AXDND1: variants seen among roughly 807,000 people sequenced by gnomAD.
The protein encoded by AXDND1 is axonemal dynein light chain domain-containing protein 1.
AXDND1 carries 110 observed loss-of-function variants against 137.5 expected under a neutral mutation model. That is an observed-to-expected ratio of 0.80 (90% CI 0.69 to 0.94). The LOEUF is 0.94. Among genes scored for constraint, AXDND1 ranks in the 40% least tolerant of loss-of-function variants. The pLI is 0.00. For synonymous variants in AXDND1, 414 were observed against 399.7 expected (o/e 1.04, Z -0.43); for missense variants, 1,191 against 1,169.8 (o/e 1.02, Z -0.26).
chr1:179,374,318 G>A (rs1668351498), intron 4 of AXDND1, among the ~76,000 whole-genome samples: 1 of 152,144 alleles, frequency 6.6e-6, no homozygotes, highest in African/African-American at 2.4e-5. Flanking sequence ...TCAAAAGTCA[G>A]GAAACAACAG....
intron 21 of AXDND1, among the ~76,000 whole-genome samples, chr1:179,523,295 A>AT (rs993637505): frequency 6.6e-6 from 1 of 151,734 alleles, no homozygotes; most frequent in African/African-American, 2.4e-5. Context: ...TAATTGACAA[A>AT]TAAAAATTGT....
At chr1:179,417,305 A>T (rs1294592682) in intron 12 of AXDND1, among the ~76,000 whole-genome samples, 1 of 150,388 alleles carries the variant, frequency 6.6e-6, no homozygotes, top group African/African-American at 2.5e-5. Flanking sequence ...TTTTCTCTTC[A>T]CTTTGTTGAT....
At chr1:179,376,005 G>T (rs1453346781) in intron 4 of AXDND1, among the ~76,000 whole-genome samples, 1 of 152,096 alleles carries the variant, frequency 6.6e-6, no homozygotes, top group Non-Finnish European at 1.5e-5. Flanking sequence ...TGCCACATCA[G>T]CTGCCAAATG....
chr1:179,532,934 A>AAATG, intron 23 of AXDND1: 1 of 151,934 alleles, frequency 6.6e-6, no homozygotes, highest in South Asian at 2.1e-4. Flanking sequence ...ATAAATAAAT[A>AAATG]GTGAAGAGAC....
intron 15 of AXDND1, among the ~76,000 whole-genome samples, chr1:179,437,302 G>A (rs1163111564): frequency 2.6e-5 from 4 of 152,146 alleles, no homozygotes; most frequent in Admixed American, 1.3e-4. Flanking sequence ...GAAAGGGGGC[G>A]GGTGATTGTC....
intron 11 of AXDND1, among the ~76,000 whole-genome samples, chr1:179,398,330 C>T (rs1003299043): frequency 2.0e-5 from 3 of 152,160 alleles, no homozygotes; most frequent in Middle Eastern, 3.2e-3. Context: ...CAGCTTTGTT[C>T]TCTGCTCCTT....
chr1:179,517,958 C>T lies in AXDND1; in HGVS notation c.2497-7376C>T, dbSNP rs143468226. Among the ~76,000 whole-genome samples the T allele has an allele frequency of 6.4e-3, 981 of 152,324 alleles. 4 individuals are homozygous for T. The highest frequency in any genetic ancestry group is 9.1e-3 in the Non-Finnish European group (616 of 68,028). ...ATCTGAGTTGGAGCTACAATCTAGT[C>T]CTACTTCCCATCCACCAGGATGATC... On this transcript the variant is annotated intron_variant, in intron 21 of 25. Coordinates refer to ENST00000367618, the MANE Select transcript of AXDND1 (RefSeq NM_144696.6).
In AXDND1 at chr1:179,402,066, A is replaced by G. The variant is rs137891229; in HGVS notation, c.1109+6864A>G. ...ATGCGCCTGCAGTCCCAGCTATTCA[A>G]GAGGCTGAGGCAGGAGAATTGCTTG... On this transcript the variant is annotated intron_variant, in intron 11 of 25. Coordinates refer to ENST00000367618, the MANE Select transcript of AXDND1 (RefSeq NM_144696.6). Among the ~76,000 whole-genome samples the G allele has an allele frequency of 8.6e-3, 1,302 of 151,546 alleles. 42 individuals carry two copies. Among genetic ancestry groups the G allele is most frequent in the Admixed American group, 0.056 (843 of 15,154 alleles).
chr1:179,550,761 T>C, intron 25 of AXDND1: 1 of 267,822 alleles, frequency 3.7e-6, no homozygotes, highest in South Asian at 4.7e-5. Flanking sequence ...AGAAGAGCAA[T>C]AGAGTGTGAC....
At chr1:179,427,034 C>T (rs1243318777) in intron 12 of AXDND1, among the ~76,000 whole-genome samples, 2 of 152,088 alleles carry the variant, frequency 1.3e-5, no homozygotes, top group Non-Finnish European at 2.9e-5. Context: ...CATGGTGGCC[C>T]ATGCCTGTAA....
Position 179,473,046 on chromosome 1 carries a change from CTTGTT to C in AXDND1, c.1997+4412_1997+4416del, listed in dbSNP as rs530709074. On this transcript the variant is annotated intron_variant, in intron 17 of 25. Coordinates refer to ENST00000367618, the MANE Select transcript of AXDND1 (RefSeq NM_144696.6). ...TGGATTTACCTCTGCCATCTTACTG[CTTGTT>C]TTGTTTCATGACTTTTTTGTTTCTC... Among the ~76,000 whole-genome samples, 913 of 151,922 alleles carry C rather than the reference CTTGTT, an allele frequency of 6.0e-3. 5 individuals carry two copies. Among genetic ancestry groups the C allele is most frequent in the African/African-American group, 0.021 (876 of 41,470 alleles).
At chr1:179,465,176 T>G (rs1012683589) in intron 16 of AXDND1, among the ~76,000 whole-genome samples, 7 of 152,248 alleles carry the variant, frequency 4.6e-5, no homozygotes, top group Admixed American at 1.3e-4. Context: ...AGGAGCTGTG[T>G]GCCTTTGGAG....
chr1:179,496,826 C>T lies in AXDND1; in HGVS notation c.2388+3875C>T, dbSNP rs540455238. The stretch of plus-strand genomic sequence containing the variant: ...AGACCTTTTTACCTCCTCCCCCATA[C>T]CCCCGTAGGCATTTAGTAGTACAAA... On this transcript the variant is annotated intron_variant, in intron 20 of 25. Transcript: ENST00000367618. 3.9e-5 allele frequency among the ~76,000 whole-genome samples: 6 copies of T among 152,122 alleles called. No individual in the cohort carries two copies. The South Asian group carries it at 8.3e-4, about 21-fold the overall frequency.
chr1:179,554,005 C>A (rs997505932), intron 25 of AXDND1, among the ~76,000 whole-genome samples: 7 of 151,072 alleles, frequency 4.6e-5, no homozygotes, highest in African/African-American at 1.7e-4. Flanking sequence ...CTCTGCCTCT[C>A]GGGTTCAAGC....
In AXDND1 at chr1:179,468,590, T is replaced by C. The variant is rs777968518; in HGVS notation, c.1946T>C (p.Leu649Ser). 40 of 1,612,678 alleles carry C rather than the reference T, an allele frequency of 2.5e-5. No homozygotes were observed. In the East Asian group the frequency reaches 8.0e-4, roughly 32 times the overall value. ...INEMKSHLDI[L>S]LNLTGIVPQH... ...GAAATGAAATCACACTTGGATATAT[T>C]GTTAAACCTTACTGGTATTGTTCCA... Residue 649 changes from leucine (L) to serine (S), a missense_variant, in exon 17 of 26, where the codon TTG (leucine) becomes TCG (serine). Leu to Ser is a moderately radical substitution (Grantham distance 145). Coordinates refer to ENST00000367618, the MANE Select transcript of AXDND1 (RefSeq NM_144696.6).
chr1:179,544,712 A>T (rs1345355139), intron 25 of AXDND1: 1 of 151,464 alleles, frequency 6.6e-6, no homozygotes, highest in African/African-American at 2.4e-5. Context: ...AAGAGAGAAG[A>T]GAGAAAATCT....
chr1:179,495,787 A>G lies in AXDND1; in HGVS notation c.2388+2836A>G, dbSNP rs187653976. ...CCTTGCCTTGGTCCATCTTAGGGAA[A>G]AAGTATTAATTGGTCATCTTTAAGT... On this transcript the variant is annotated intron_variant, in intron 20 of 25. Transcript: ENST00000367618. Among the ~76,000 whole-genome samples the G allele has an allele frequency of 2.0e-5, 3 of 152,064 alleles. No individual in the cohort carries two copies. In the East Asian group the frequency reaches 5.8e-4, roughly 29 times the overall value.
intron 15 of AXDND1, among the ~76,000 whole-genome samples, chr1:179,444,326 G>A (rs1056622630): frequency 7.2e-5 from 11 of 152,122 alleles, no homozygotes; most frequent in Non-Finnish European, 1.0e-4. Context: ...TAAAAGGTAA[G>A]TGGCAGAGTC....
At chr1:179,497,528 T>A (rs1258547960) in intron 20 of AXDND1, among the ~76,000 whole-genome samples, 1 of 152,172 alleles carries the variant, frequency 6.6e-6, no homozygotes, top group Admixed American at 6.5e-5. Flanking sequence ...GAGCCATCTA[T>A]GACAAACCGA....
Sources: allele counts gnomAD v4.1 joint callset (sites outside exome capture counted in the v4.1 genomes callset), GRCh38; gene constraint gnomAD v4.1.1; transcripts MANE v1.5; gene names NCBI Gene and HGNC (gene_info 2026-07-23, HGNC 2026-07-21).